Variants in ABLIM1 observed in about 807,000 individuals in gnomAD.
ABLIM1 encodes actin binding LIM protein 1.
A neutral mutation model predicts 107.0 loss-of-function variants in ABLIM1; 40 were observed. That is an observed-to-expected ratio of 0.37 (90% confidence interval 0.29 to 0.49). The LOEUF (loss-of-function observed/expected upper bound fraction) is 0.49, where lower values mean the gene tolerates loss of function less well. Ranked by LOEUF, ABLIM1 falls within the 20% of genes least tolerant of loss-of-function variation. ABLIM1 has a pLI of 0.97. For missense variants in ABLIM1, 857 were observed against 1,008.5 expected (o/e 0.85, Z 2.04); for synonymous variants, 357 against 357.3 (o/e 1.00, Z 0.01).
intron 6 of ABLIM1, among the ~76,000 whole-genome samples, chr10:114,531,527 G>T (rs934401716): frequency 2.0e-5 from 3 of 152,060 alleles, no homozygotes; most frequent in Non-Finnish European, 2.9e-5. Context: ...GTTTTGTTTT[G>T]TGTTGTTTGA....
intron 1 of ABLIM1, among the ~76,000 whole-genome samples, chr10:114,641,643 G>T (rs1395115132): frequency 6.6e-6 from 1 of 152,176 alleles, no homozygotes; most frequent in East Asian, 1.9e-4. Flanking sequence ...GACGTGCTAT[G>T]TGAGTAAGTA....
intron 6 of ABLIM1, among the ~76,000 whole-genome samples, chr10:114,507,884 CCT>C (rs1565690264): frequency 1.3e-5 from 2 of 152,140 alleles, no homozygotes; most frequent in East Asian, 3.9e-4. Context: ...AGCAGACCCC[CCT>C]GAGTTCTGGA....
chr10:114,465,662 G>C (rs2064998103), intron 12 of ABLIM1, 36 bp downstream of exon 12: 2 of 1,610,420 alleles, frequency 1.2e-6, no homozygotes, highest in East Asian at 4.5e-5. Flanking sequence ...AACATAGTTT[G>C]TTATATAGAG....
intron 1 of ABLIM1, among the ~76,000 whole-genome samples, chr10:114,741,613 T>C (rs1288611538): frequency 2.0e-5 from 3 of 152,150 alleles, no homozygotes; most frequent in Non-Finnish European, 4.4e-5. Context: ...AAGAAATATG[T>C]ACACCATATG....
At chr10:114,664,349 C>G (rs75176164) in intron 1 of ABLIM1, among the ~76,000 whole-genome samples, 1,620 of 152,218 alleles carry the variant, frequency 0.011, 22 homozygotes, top group Non-Finnish European at 0.014. Flanking sequence ...GGCCCACAAA[C>G]AGCACACGAA....
At chr10:114,800,588 GAAC>G in the ABLIM1 span, among the ~76,000 whole-genome samples, 1 of 152,134 alleles carries the variant, frequency 6.6e-6, no homozygotes, top group African/African-American at 2.4e-5. Flanking sequence ...GTTGACCCGT[GAAC>G]AACATGGGGG....
At chr10:114,776,337 G>A in the ABLIM1 span, among the ~76,000 whole-genome samples, 4 of 152,086 alleles carry the variant, frequency 2.6e-5, no homozygotes, top group African/African-American at 7.2e-5. Flanking sequence ...GTTTTGGGCC[G>A]GGCGTGGTGG....
At chr10:114,798,177 T>C in the ABLIM1 span, among the ~76,000 whole-genome samples, 1 of 152,190 alleles carries the variant, frequency 6.6e-6, no homozygotes, top group African/African-American at 2.4e-5. Context: ...TCCCAGCACT[T>C]TGGGAGGCTG....
chr10:114,474,502 T>A (rs934243758), intron 8 of ABLIM1, among the ~76,000 whole-genome samples: 3 of 151,174 alleles, frequency 2.0e-5, no homozygotes, highest in Non-Finnish European at 2.9e-5. Context: ...TGCCTCAGCC[T>A]CCCGAGTAGC....
At chr10:114,557,694 G>A (rs561078580) in intron 4 of ABLIM1, among the ~76,000 whole-genome samples, 1 of 56,416 alleles carries the variant, frequency 1.8e-5, no homozygotes, top group Non-Finnish European at 3.5e-5. Flanking sequence ...TTTTTTTTTT[G>A]GATAAATATA....
chr10:114,728,201 G>A (rs2081998399), intron 1 of ABLIM1, among the ~76,000 whole-genome samples: 2 of 152,172 alleles, frequency 1.3e-5, no homozygotes, highest in South Asian at 4.1e-4. Flanking sequence ...GTAAGATTTT[G>A]CATACTCAAA....
chr10:114,791,643 A>C, the ABLIM1 span, among the ~76,000 whole-genome samples: 9 of 152,150 alleles, frequency 5.9e-5, no homozygotes, highest in Non-Finnish European at 5.9e-5. Flanking sequence ...GTCTCAAAAA[A>C]AAAAACAAAA....
intron 4 of ABLIM1, among the ~76,000 whole-genome samples, chr10:114,556,606 T>A (rs554734802): frequency 6.6e-6 from 1 of 152,178 alleles, no homozygotes; most frequent in Non-Finnish European, 1.5e-5. Flanking sequence ...AGTTTTGACA[T>A]CTTTGAGGCA....
intron 1 of ABLIM1, among the ~76,000 whole-genome samples, chr10:114,680,017 T>A (rs2080676517): frequency 6.6e-6 from 1 of 152,230 alleles, no homozygotes; most frequent in Non-Finnish European, 1.5e-5. Flanking sequence ...CTTACATGAT[T>A]TTTATAATTA....
At chr10:114,752,727 A>C (rs2082544147) in intron 1 of ABLIM1, among the ~76,000 whole-genome samples, 1 of 152,160 alleles carries the variant, frequency 6.6e-6, no homozygotes, top group African/African-American at 2.4e-5. Context: ...TGCTGAGGAT[A>C]ATGGCTTCCA....
intron 1 of ABLIM1, among the ~76,000 whole-genome samples, chr10:114,758,220 A>G (rs759458027): frequency 5.3e-5 from 8 of 152,146 alleles, no homozygotes; most frequent in African/African-American, 9.7e-5. Flanking sequence ...GTCACACTCC[A>G]AAACCTAGAC....
chr10:114,645,198 C>T (rs1006980638), intron 1 of ABLIM1, among the ~76,000 whole-genome samples: 3 of 152,120 alleles, frequency 2.0e-5, no homozygotes, highest in African/African-American at 7.2e-5. Flanking sequence ...CATCAAAATG[C>T]GTGAGTTAAT....
intron 15 of ABLIM1, among the ~76,000 whole-genome samples, chr10:114,446,357 C>T (rs771502053): frequency 1.3e-5 from 2 of 152,062 alleles, no homozygotes; most frequent in Non-Finnish European, 2.9e-5. Flanking sequence ...AGCATTAATA[C>T]AGGTACAATT....
At chr10:114,545,936 A>AAC (rs1291977838) in intron 5 of ABLIM1, among the ~76,000 whole-genome samples, 1 of 114,762 alleles carries the variant, frequency 8.7e-6, no homozygotes, top group African/African-American at 2.8e-5. Flanking sequence ...ATCTCAAAAA[A>AAC]AAAAAACAAA....
Sources: gnomAD v4.1 joint callset for allele counts (sites outside exome capture counted in the v4.1 genomes callset) on GRCh38, gnomAD v4.1.1 for gene constraint, MANE v1.5 for transcripts, NCBI Gene and HGNC (gene_info 2026-07-23, HGNC 2026-07-21) for gene names.